Variants in AGBL4 observed in about 807,000 individuals in gnomAD.
AGBL4 encodes AGBL carboxypeptidase 4.
AGBL4 carries 58 observed loss-of-function variants against 66.4 expected under a neutral mutation model. That is an observed-to-expected ratio of 0.87 (90% confidence interval 0.71 to 1.09). AGBL4 has a LOEUF of 1.09. AGBL4 is among the 50% of genes least tolerant of loss of function. The pLI is 0.00. For missense variants in AGBL4, 579 were observed against 631.0 expected, an observed-to-expected ratio of 0.92 and a Z score of 0.88; for synonymous variants, 234 against 222.9, an observed-to-expected ratio of 1.05 and a Z score of -0.44.
chr1:49,538,723 G>C (rs1157061805), intron 3 of AGBL4, among the ~76,000 whole-genome samples: 1 of 152,030 alleles, frequency 6.6e-6, no homozygotes, highest in Non-Finnish European at 1.5e-5. Context: ...ATTTAAAAAT[G>C]GAAAAAATTT....
chr1:49,410,090 C>T (rs1230336964), intron 3 of AGBL4, among the ~76,000 whole-genome samples: 3 of 152,142 alleles, frequency 2.0e-5, no homozygotes, highest in Non-Finnish European at 4.4e-5. Context: ...CTGCAGGCCT[C>T]TCTATACCTC....
chr1:49,162,979 A>G (rs568927804), intron 4 of AGBL4, among the ~76,000 whole-genome samples: 3 of 152,298 alleles, frequency 2.0e-5, no homozygotes, highest in South Asian at 2.1e-4. Flanking sequence ...CAACAATTCC[A>G]TATCTGGGTA....
At chr1:49,186,917 T>C (rs1647025492) in intron 4 of AGBL4, among the ~76,000 whole-genome samples, 1 of 152,148 alleles carries the variant, frequency 6.6e-6, no homozygotes, top group African/African-American at 2.4e-5. Context: ...GAAATGATTT[T>C]GCTGGAGATT....
chr1:49,961,811 A>C (rs531037088), intron 1 of AGBL4, among the ~76,000 whole-genome samples: 1 of 152,154 alleles, frequency 6.6e-6, no homozygotes, highest in African/African-American at 2.4e-5. Context: ...TCACATGGAA[A>C]GAACAACTTT....
intron 4 of AGBL4, among the ~76,000 whole-genome samples, chr1:49,067,329 C>T (rs1644509584): frequency 6.6e-6 from 1 of 152,154 alleles, no homozygotes; most frequent in African/African-American, 2.4e-5. Context: ...TCTTTTCACA[C>T]ACTTGCTTAA....
rs185214069 is a variant in AGBL4, at chr1:48,743,848, T to C, written c.635-80607A>G. On this transcript the variant is annotated intron_variant, in intron 6 of 13. Transcript: ENST00000371839. ...TGGTGGCAGTGAAGGTCCTGGTGAA[T>C]TTGTTACTAAAATTCTTCATGATAC... Among the ~76,000 whole-genome samples the C allele has an allele frequency of 1.8e-4, 28 of 152,314 alleles. No individual in the cohort carries two copies. In the East Asian group the frequency reaches 5.4e-3, roughly 29 times the overall value.
chr1:49,330,087 A>G (rs1023880566), intron 3 of AGBL4, among the ~76,000 whole-genome samples: 9 of 152,202 alleles, frequency 5.9e-5, no homozygotes, highest in African/African-American at 1.7e-4. Flanking sequence ...GATATTTCCT[A>G]TTTGGAACCA....
intron 3 of AGBL4, among the ~76,000 whole-genome samples, chr1:49,606,020 G>A (rs1645057327): frequency 6.6e-6 from 1 of 152,022 alleles, no homozygotes; most frequent in Non-Finnish European, 1.5e-5. Context: ...TTCAATAACA[G>A]CTACTCTTTT....
rs534285596 is a variant in AGBL4, at chr1:48,999,173, A to G, written c.594+46411T>C. Among the ~76,000 whole-genome samples, 25 of 152,336 alleles carry G rather than the reference A, an allele frequency of 1.6e-4. No homozygotes were observed. In the South Asian group the frequency reaches 3.5e-3, roughly 21 times the overall value. ...AGCTTTCTTTGTAGGGTTGAACTAT[A>G]TGACCCTTAAGGTCCCTTCCATCCC... On this transcript the variant is annotated intron_variant, in intron 5 of 13. Transcript: ENST00000371839.
intron 1 of AGBL4, among the ~76,000 whole-genome samples, chr1:49,915,798 C>T (rs1651395449): frequency 6.6e-6 from 1 of 152,138 alleles, no homozygotes; most frequent in Non-Finnish European, 1.5e-5. Context: ...TCAAGTGGGT[C>T]CCTGACCCTG....
intron 9 of AGBL4, among the ~76,000 whole-genome samples, chr1:48,617,716 T>G (rs1299537647): frequency 2.0e-5 from 3 of 152,166 alleles, no homozygotes; most frequent in East Asian, 1.9e-4. Flanking sequence ...GCCTTCCGTC[T>G]GCCACTTCTG....
intron 3 of AGBL4, among the ~76,000 whole-genome samples, chr1:49,417,606 A>G (rs1273543748): frequency 1.3e-5 from 2 of 152,164 alleles, no homozygotes; most frequent in Admixed American, 1.3e-4. Flanking sequence ...AAATATACCC[A>G]TATAGGATCT....
At chr1:49,570,696 G>A (rs953607275) in intron 3 of AGBL4, among the ~76,000 whole-genome samples, 3 of 151,762 alleles carry the variant, frequency 2.0e-5, no homozygotes, top group South Asian at 2.1e-4. Context: ...CTAGATTTTC[G>A]TCTAGTATTT....
intron 3 of AGBL4, among the ~76,000 whole-genome samples, chr1:49,607,769 T>C (rs1265235091): frequency 6.6e-6 from 1 of 152,150 alleles, no homozygotes; most frequent in Non-Finnish European, 1.5e-5. Context: ...TCTGTTCATA[T>C]TCAGATCTTA....
At chr1:48,979,851 T>C (rs898825717) in intron 5 of AGBL4, among the ~76,000 whole-genome samples, 1 of 152,152 alleles carries the variant, frequency 6.6e-6, no homozygotes, top group Non-Finnish European at 1.5e-5. Context: ...CAATTTTATA[T>C]AGAAGGGAGG....
chr1:49,861,332 A>C (rs982990570), intron 1 of AGBL4, among the ~76,000 whole-genome samples: 1 of 152,096 alleles, frequency 6.6e-6, no homozygotes, highest in Middle Eastern at 3.4e-3. Context: ...CCTTCCCCTA[A>C]CCCTAGGCTG....
At chr1:48,681,453 A>G (rs1186894624) in intron 6 of AGBL4, among the ~76,000 whole-genome samples, 1 of 152,136 alleles carries the variant, frequency 6.6e-6, no homozygotes, top group Non-Finnish European at 1.5e-5. Flanking sequence ...GCTCCTGCCC[A>G]TCAGGGAGGA....
chr1:48,662,055 C>A (rs948677862), intron 7 of AGBL4, among the ~76,000 whole-genome samples: 1 of 152,210 alleles, frequency 6.6e-6, no homozygotes, highest in Non-Finnish European at 1.5e-5. Context: ...ATCTTCTCAT[C>A]TGAAATAAAG....
intron 3 of AGBL4, among the ~76,000 whole-genome samples, chr1:49,636,973 A>G (rs1299639905): frequency 6.6e-6 from 1 of 152,182 alleles, no homozygotes; most frequent in Non-Finnish European, 1.5e-5. Flanking sequence ...GGTGGGCACC[A>G]TTTAACCAGC....
Sources: gnomAD v4.1 joint callset for allele counts (sites outside exome capture counted in the v4.1 genomes callset) on GRCh38, gnomAD v4.1.1 for gene constraint, MANE v1.5 for transcripts, NCBI Gene and HGNC (gene_info 2026-07-23, HGNC 2026-07-21) for gene names.